Variants in CRYBB2 observed in about 807,000 individuals in gnomAD.
The protein encoded by CRYBB2 is beta-crystallin B2.
In CRYBB2, 12 loss-of-function variants were observed where a neutral mutation model predicts 24.3. The observed-to-expected ratio is 0.49, with a 90% CI of 0.32 to 0.80. The LOEUF (loss-of-function observed/expected upper bound fraction) is 0.80. CRYBB2 is among the 30% of genes least tolerant of loss of function. The pLI is 0.04. For missense variants in CRYBB2, 198 were observed against 268.5 expected, an observed-to-expected ratio of 0.74 and a Z score of 1.83; for synonymous variants, 98 against 101.6, an observed-to-expected ratio of 0.96 and a Z score of 0.21.
chr22:25,225,092 G>T (rs565111271), intron 3 of CRYBB2, 56 bp downstream of exon 3: 5 of 946,320 alleles, frequency 5.3e-6, no homozygotes, highest in East Asian at 2.4e-5. Flanking sequence ...TGATCAAGTT[G>T]TGGAGTGGGG....
At chr22:25,223,379 C>A (rs921838064) in intron 2 of CRYBB2, among the ~76,000 whole-genome samples, 1 of 152,152 alleles carries the variant, frequency 6.6e-6, no homozygotes, top group African/African-American at 2.4e-5. Context: ...ATGTGCTAAC[C>A]ACCCACAAGC....
intron 3 of CRYBB2, among the ~76,000 whole-genome samples, chr22:25,225,702 G>A (rs73403343): frequency 1.3e-5 from 2 of 152,160 alleles, no homozygotes; most frequent in African/African-American, 2.4e-5. Context: ...AGGAATGTCC[G>A]CTGGTGGCCA....
chr22:25,230,866 G>T (rs895210147), intron 5 of CRYBB2, among the ~76,000 whole-genome samples: 2 of 151,638 alleles, frequency 1.3e-5, no homozygotes, highest in Non-Finnish European at 2.9e-5. Flanking sequence ...TTGGAGAAAA[G>T]ATTCTTGAGC....
intron 5 of CRYBB2, among the ~76,000 whole-genome samples, chr22:25,229,961 C>T (rs1180037349): frequency 6.6e-6 from 1 of 150,878 alleles, no homozygotes; most frequent in Admixed American, 6.6e-5. Context: ...CCCATGCTGC[C>T]TTTGACCGCG....
chr22:25,213,161 A>G (rs1935126944), intron 1 of CRYBB2: 3 of 152,210 alleles, frequency 2.0e-5, no homozygotes. Context: ...TTATTTCAAG[A>G]GAGTAAAAGG....
At chr22:25,221,634 G>A (rs2146087473) in intron 2 of CRYBB2, 151 bp downstream of exon 2, 2 of 650,464 alleles carry the variant, frequency 3.1e-6, no homozygotes, top group Middle Eastern at 2.8e-4. Context: ...CACACAGTTG[G>A]AGCTGATACT....
chr22:25,211,764 G>A (rs1018334218), upstream of CRYBB2, among the ~76,000 whole-genome samples: 7 of 152,328 alleles, frequency 4.6e-5, no homozygotes, highest in African/African-American at 1.7e-4. Flanking sequence ...AGTGAAGCAA[G>A]AATATCCCTC....
At chr22:25,223,574 G>A (rs903357142) in intron 2 of CRYBB2, among the ~76,000 whole-genome samples, 6 of 152,214 alleles carry the variant, frequency 3.9e-5, no homozygotes, top group Non-Finnish European at 8.8e-5. Flanking sequence ...GGCCGAGTCA[G>A]TGACCGTAAA....
At chr22:25,214,139 G>A (rs757757399) in intron 1 of CRYBB2, among the ~76,000 whole-genome samples, 3 of 152,188 alleles carry the variant, frequency 2.0e-5, no homozygotes, top group Admixed American at 6.5e-5. Flanking sequence ...TGGAGTTCGC[G>A]ACCTACCTGG....
Position 25,228,723 on chromosome 22 carries a change from C to T in CRYBB2, c.307-713C>T, listed in dbSNP as rs111445428. Among the ~76,000 whole-genome samples, 294 of 147,724 alleles carry T rather than the reference C, an allele frequency of 2.0e-3. 1 individual carries two copies. The highest frequency in any genetic ancestry group is 4.5e-3 in the Admixed American group (66 of 14,672). Reference sequence around the variant, plus strand: ...AGCACGTCATTTGACCTCTCTGTGCCGCGCTTTCCTCATCTGCTAAATGGC... The same window carrying T: ...AGCACGTCATTTGACCTCTCTGTGCTGCGCTTTCCTCATCTGCTAAATGGC... On this transcript the variant is annotated intron_variant, in intron 4 of 5. Coordinates refer to ENST00000398215, the MANE Select transcript of CRYBB2 (RefSeq NM_000496.3).
chr22:25,231,503 A>C, intron 5 of CRYBB2, 101 bp from the exon 6 acceptor site: 1 of 1,151,230 alleles, frequency 8.7e-7, no homozygotes, highest in Admixed American at 1.7e-5. Flanking sequence ...CACCCTTCCT[A>C]GTGGCTTATG....
intron 2 of CRYBB2, among the ~76,000 whole-genome samples, chr22:25,222,119 C>T (rs1328277241): frequency 1.3e-5 from 2 of 152,216 alleles, no homozygotes; most frequent in South Asian, 2.1e-4. Context: ...TATCTAGGCA[C>T]GGCCACCTGA....
At chr22:25,213,700 C>T (rs1935133294) in intron 1 of CRYBB2, 1 of 152,210 alleles carries the variant, frequency 6.6e-6, no homozygotes, top group South Asian at 2.1e-4. Context: ...TTTAAGAAGA[C>T]CCAGTGATAA....
At chr22:25,221,772 A>G (rs1398510225) in intron 2 of CRYBB2, among the ~76,000 whole-genome samples, 8 of 152,140 alleles carry the variant, frequency 5.3e-5, no homozygotes. Flanking sequence ...GCTCCCTGAA[A>G]CTGGAGCAGA....
intron 3 of CRYBB2, among the ~76,000 whole-genome samples, 187 bp from the exon 4 acceptor site, chr22:25,227,666 A>G (rs1358360548): frequency 6.6e-6 from 1 of 150,412 alleles, no homozygotes; most frequent in African/African-American, 2.4e-5. Flanking sequence ...GCAGCATAGC[A>G]CTGAGTTCTA....
chr22:25,213,629 T>C (rs1189580794), intron 1 of CRYBB2: 3 of 152,052 alleles, frequency 2.0e-5, no homozygotes, highest in African/African-American at 4.8e-5. Context: ...ACCTGGAAAT[T>C]ACACCAGTCA....
At position 25,227,859 on chromosome 22, in the gene CRYBB2, G is replaced by A. The variant is rs746988805; in HGVS notation, c.180G>A (p.Val60=). Residue 60 remains valine (V), a synonymous_variant, in exon 4 of 6, where the codon GTG becomes GTA. Coordinates refer to ENST00000398215, the MANE Select transcript of CRYBB2 (RefSeq NM_000496.3). ...CTCTCTGTCTCCATGGCAGCTGGGT[G>A]GGCTATGAACAGGCCAACTGCAAGG... ...GSVLVQAGPW[V]GYEQANCKGE... The A allele has an allele frequency of 2.5e-6, 4 of 1,614,028 alleles. No individual in the cohort carries two copies. Among genetic ancestry groups the A allele is most frequent in the South Asian group, 1.1e-5 (1 of 91,078 alleles).
upstream of CRYBB2, among the ~76,000 whole-genome samples, chr22:25,217,123 T>C (rs1325275734): frequency 6.6e-6 from 1 of 152,152 alleles, no homozygotes; most frequent in Non-Finnish European, 1.5e-5. Flanking sequence ...TTTCAATTCT[T>C]TGGGGCACGT....
intron 1 of CRYBB2, among the ~76,000 whole-genome samples, chr22:25,213,005 A>G (rs1180375216): frequency 1.3e-5 from 2 of 152,244 alleles, no homozygotes; most frequent in Non-Finnish European, 1.5e-5. Flanking sequence ...GCTTTCTTAC[A>G]TCATCTGTTT....
Sources: gnomAD v4.1 joint callset for allele counts (sites outside exome capture counted in the v4.1 genomes callset) on GRCh38, gnomAD v4.1.1 for gene constraint, MANE v1.5 for transcripts, NCBI Gene and HGNC (gene_info 2026-07-23, HGNC 2026-07-21) for gene names.